PIEZO2: variants seen among roughly 807,000 people sequenced by gnomAD.
PIEZO2 encodes piezo-type mechanosensitive ion channel component 2.
PIEZO2 carries 172 observed loss-of-function variants against 337.3 expected under a neutral mutation model. That is an observed-to-expected ratio of 0.51 (90% confidence interval 0.45 to 0.58). The LOEUF (loss-of-function observed/expected upper bound fraction) is 0.58. Ranked by LOEUF, PIEZO2 falls within the 20% of genes least tolerant of loss-of-function variation. The pLI, the probability that PIEZO2 is intolerant of heterozygous loss-of-function variation, is 0.00. For missense variants in PIEZO2, 3,028 were observed against 3,391.3 expected (o/e 0.89, Z 2.66); for synonymous variants, 1,251 against 1,228.5 (o/e 1.02, Z -0.38).
chr18:10,878,758 G>C lies in PIEZO2; in HGVS notation c.330-7343C>G, dbSNP rs528286716. 6.7e-6 allele frequency among the ~76,000 whole-genome samples: 1 copy of C among 149,804 alleles called. No individual in the cohort carries two copies. The highest frequency in any genetic ancestry group is 2.1e-4 in the South Asian group (1 of 4,752). The stretch of plus-strand genomic sequence containing the variant: ...AAGTCAGAAACACAGGGTAAGGTCA[G>C]ACCATACAAAGCTTGGATGTTTTGA... On this transcript the variant is annotated intron_variant, in intron 4 of 55. Transcript: ENST00000674853. The surrounding 1 kb of genome is among the most constrained non-coding windows in gnomAD (Gnocchi z 4.3).
At chr18:10,806,265 G>A (rs1010017598) in intron 8 of PIEZO2, among the ~76,000 whole-genome samples, 70 of 150,028 alleles carry the variant, frequency 4.7e-4, no homozygotes, top group African/African-American at 1.6e-3. Flanking sequence ...CCCCGCAGGT[G>A]GGGCCTGAAA....
intron 39 of PIEZO2, among the ~76,000 whole-genome samples, chr18:10,711,645 G>GC (rs986228944): frequency 2.0e-5 from 3 of 152,012 alleles, no homozygotes; most frequent in African/African-American, 7.2e-5. Context: ...ACAAAATGAA[G>GC]CAAGAAGGGA....
chr18:10,823,676 T>C (rs1017938196), intron 7 of PIEZO2, among the ~76,000 whole-genome samples: 2 of 152,126 alleles, frequency 1.3e-5, no homozygotes, highest in African/African-American at 4.8e-5. Context: ...AGGGGAGGGA[T>C]AAATGTAATT....
chr18:10,885,151 G>A (rs1271736140), intron 4 of PIEZO2, among the ~76,000 whole-genome samples: 3 of 152,280 alleles, frequency 2.0e-5, no homozygotes, highest in East Asian at 1.9e-4. Context: ...AAAGCCGGGC[G>A]TGGTGGCTCA....
In PIEZO2 at chr18:10,945,959, CA is replaced by C. The variant is rs1230043799; in HGVS notation, c.286+33575del. ...TGAGGATACAGCATCAGAAACTAAC[CA>C]AAATGAAACACAGGAAAAACAGTCA... On this transcript the variant is annotated intron_variant, in intron 3 of 55. Coordinates refer to ENST00000674853, the MANE Select transcript of PIEZO2 (RefSeq NM_001378183.1). The surrounding 1 kb of genome is among the most constrained non-coding windows in gnomAD (Gnocchi z 4.0). Among the ~76,000 whole-genome samples, 5 of 152,030 alleles carry C rather than the reference CA, an allele frequency of 3.3e-5. No homozygotes were observed. In the East Asian group the frequency reaches 9.7e-4, roughly 29 times the overall value.
rs2036803284 is a variant in PIEZO2 at position 11,033,191 on chromosome 18, C to T, written c.160+32936G>A. 6.6e-6 allele frequency among the ~76,000 whole-genome samples: 1 copy of T among 152,232 alleles called. No individual in the cohort carries two copies. The highest frequency in any genetic ancestry group is 1.9e-4 in the East Asian group (1 of 5,198). On this transcript the variant is annotated intron_variant, in intron 2 of 55. Coordinates refer to ENST00000674853, the MANE Select transcript of PIEZO2 (RefSeq NM_001378183.1). The surrounding 1 kb of genome is among the most constrained non-coding windows in gnomAD (Gnocchi z 4.2). ...AACACACATGTGGGCACTGTTCTCT[C>T]CTTCATTTCACACATGAGGGGACTA...
In PIEZO2 at chr18:10,942,712, T is replaced by C. The variant is rs1423025534; in HGVS notation, c.287-31484A>G. ...ATCAAGCCACCTGCAGAAATTTGCA[T>C]AAGTAATGAAGAGCCAAATATTAAT... On this transcript the variant is annotated intron_variant, in intron 3 of 55. Transcript: ENST00000674853. This position sits in a 1 kb window ranked among gnomAD's most constrained non-coding sequence, Gnocchi z 4.4. Among the ~76,000 whole-genome samples, 1 of 152,158 alleles carries C rather than the reference T, an allele frequency of 6.6e-6. No homozygotes were observed. Among genetic ancestry groups the C allele is most frequent in the East Asian group, 1.9e-4 (1 of 5,192 alleles).
intron 17 of PIEZO2, among the ~76,000 whole-genome samples, chr18:10,782,902 T>C (rs1048239490): frequency 2.6e-5 from 4 of 152,160 alleles, no homozygotes; most frequent in African/African-American, 9.7e-5. Context: ...ATACGCTAGG[T>C]CCAAACCTTG....
At chr18:10,790,992 C>A (rs1273650270) in intron 14 of PIEZO2, among the ~76,000 whole-genome samples, 1 of 152,226 alleles carries the variant, frequency 6.6e-6, no homozygotes, top group African/African-American at 2.4e-5. Flanking sequence ...GCGCGAGCCA[C>A]GGCGCCCGGC....
At position 11,099,979 on chromosome 18, in the gene PIEZO2, C is replaced by T. The variant is rs1415997692; in HGVS notation, c.65-33757G>A. ...TGTTTTCTCCTAGTATGTCATTTGT[C>T]TTCATAGTTTGTTTATAGTCTTTTG... On this transcript the variant is annotated intron_variant, in intron 1 of 55. Coordinates refer to ENST00000674853, the MANE Select transcript of PIEZO2 (RefSeq NM_001378183.1). The surrounding 1 kb of genome is among the most constrained non-coding windows in gnomAD (Gnocchi z 5.4). Among the ~76,000 whole-genome samples, 4 of 151,950 alleles carry T rather than the reference C, an allele frequency of 2.6e-5. No homozygotes were observed. Among genetic ancestry groups the T allele is most frequent in the African/African-American group, 9.7e-5 (4 of 41,366 alleles).
chr18:10,723,922 C>T (rs1280971233), intron 36 of PIEZO2, among the ~76,000 whole-genome samples: 3 of 152,142 alleles, frequency 2.0e-5, no homozygotes, highest in Non-Finnish European at 2.9e-5. Context: ...GGCCCTCAGA[C>T]ATTCAAATTG....
Position 10,834,198 on chromosome 18 carries a change from T to C in PIEZO2, c.917+21155A>G, listed in dbSNP as rs1190064010. On this transcript the variant is annotated intron_variant, in intron 7 of 55. Coordinates refer to ENST00000674853, the MANE Select transcript of PIEZO2 (RefSeq NM_001378183.1). This position sits in a 1 kb window ranked among gnomAD's most constrained non-coding sequence, Gnocchi z 4.5. The stretch of plus-strand genomic sequence containing the variant: ...AGTTATTTTAAAATATGCAGTACAT[T>C]ATCGTTGACTGTAGTCATTCTGTTG... Among the ~76,000 whole-genome samples, 1 of 152,210 alleles carries C rather than the reference T, an allele frequency of 6.6e-6. No individual in the cohort carries two copies. Among genetic ancestry groups the C allele is most frequent in the East Asian group, 1.9e-4 (1 of 5,186 alleles).
Position 10,789,366 on chromosome 18 carries a change from C to T in PIEZO2, c.1883-1G>A. 6.5e-7 allele frequency: 1 copy of T among 1,533,618 alleles called. No homozygotes were observed. The highest frequency in any genetic ancestry group is 8.7e-7 in the Non-Finnish European group (1 of 1,145,386). On this transcript the variant is annotated splice_acceptor_variant, in intron 14 of 55. Transcript: ENST00000674853. LOFTEE classifies it high-confidence loss of function. ...ACTTGTATATCTTGAAGTTCCTCATCTTCAAATAGAAAACTGTGCTGTTAT... is the reference window on the plus strand; with the variant it reads ...ACTTGTATATCTTGAAGTTCCTCATTTTCAAATAGAAAACTGTGCTGTTAT...
intron 4 of PIEZO2, among the ~76,000 whole-genome samples, chr18:10,885,776 A>G (rs1236429209): frequency 2.0e-5 from 3 of 152,184 alleles, no homozygotes; most frequent in Non-Finnish European, 4.4e-5. Context: ...AAAAAACATA[A>G]TGCATCCCTC....
rs79264947 is a variant in PIEZO2, at chr18:10,935,167, A to G, written c.287-23939T>C. On this transcript the variant is annotated intron_variant, in intron 3 of 55. Coordinates refer to ENST00000674853, the MANE Select transcript of PIEZO2 (RefSeq NM_001378183.1). ...ATGTCATGTTTTGTATGTGAGGAGA[A>G]TATCATGGTAGAATTCCTGGTTTTC... Among the ~76,000 whole-genome samples the G allele has an allele frequency of 2.2e-3, 337 of 152,314 alleles. 5 individuals carry two copies. The East Asian group carries it at 0.042, about 19-fold the overall frequency.
In PIEZO2 at chr18:11,077,384, A is replaced by G. The variant is rs962220013; in HGVS notation, c.65-11162T>C. ...TTTGCTGATTTAGAAATCACTAATC[A>G]GGCCAGGTGTGGTGGCTCATGCCTA... On this transcript the variant is annotated intron_variant, in intron 1 of 55. Transcript: ENST00000674853. The surrounding 1 kb of genome is among the most constrained non-coding windows in gnomAD (Gnocchi z 4.8). 9.8e-5 allele frequency among the ~76,000 whole-genome samples: 15 copies of G among 152,332 alleles called. No homozygotes were observed. Among genetic ancestry groups the G allele is most frequent in the African/African-American group, 3.4e-4 (14 of 41,572 alleles).
Position 10,726,411 on chromosome 18 carries a change from C to A in PIEZO2, c.5029+4996G>T. 3 of 1,529,146 alleles carry A rather than the reference C, an allele frequency of 2.0e-6. No individual in the cohort carries two copies. Among genetic ancestry groups the A allele is most frequent in the Non-Finnish European group, 2.6e-6 (3 of 1,144,672 alleles). The allele number at this position is 1,529,146 out of a possible 1,614,324, so 94.7% of individuals were successfully genotyped here. A position where few individuals can be genotyped will look rare whatever the true frequency, so the allele number is the denominator to read the frequency against. On this transcript the variant is annotated intron_variant, in intron 36 of 55. Transcript: ENST00000674853. The surrounding 1 kb of genome is among the most constrained non-coding windows in gnomAD (Gnocchi z 5.9). ...CGGTAACAACGCGCGCCAGCCGTGG[C>A]ACAACGCGGAGGGCCGGCTGCGGTA...
intron 1 of PIEZO2, among the ~76,000 whole-genome samples, chr18:11,100,844 C>G (rs560620827): frequency 4.3e-4 from 65 of 152,334 alleles, no homozygotes; most frequent in African/African-American, 1.5e-3. Flanking sequence ...ATCCGCCCAC[C>G]TTGGCCTCCC....
Position 11,003,024 on chromosome 18 carries a change from C to G in PIEZO2, c.161-23364G>C, listed in dbSNP as rs1483865754. Reference sequence around the variant, plus strand: ...GCTTCCTCCTTGAATGACCAACATCCGTTGCATGAGGTCAAGGACAGCCTT... The same window carrying G: ...GCTTCCTCCTTGAATGACCAACATCGGTTGCATGAGGTCAAGGACAGCCTT... On this transcript the variant is annotated intron_variant, in intron 2 of 55. Transcript: ENST00000674853. This position sits in a 1 kb window ranked among gnomAD's most constrained non-coding sequence, Gnocchi z 4.6. Among the ~76,000 whole-genome samples the G allele has an allele frequency of 6.6e-6, 1 of 152,194 alleles. No individual in the cohort carries two copies. The highest frequency in any genetic ancestry group is 6.5e-5 in the Admixed American group (1 of 15,282).
Sources: allele counts gnomAD v4.1 joint callset (sites outside exome capture counted in the v4.1 genomes callset), GRCh38; gene constraint gnomAD v4.1.1; non-coding constraint Gnocchi (gnomAD v3.1); transcripts MANE v1.5; gene names NCBI Gene and HGNC (gene_info 2026-07-23, HGNC 2026-07-21).